Variants in PDE4D observed in about 807,000 individuals in gnomAD.
The protein encoded by PDE4D is phosphodiesterase 4D.
A neutral mutation model predicts 87.4 loss-of-function variants in PDE4D; 24 were observed. That is an observed-to-expected ratio of 0.27 (90% CI 0.20 to 0.39). The LOEUF (loss-of-function observed/expected upper bound fraction) is 0.39, where lower values mean the gene tolerates loss of function less well. PDE4D is among the 10% of genes least tolerant of loss of function. The pLI is 1.00. For missense variants in PDE4D, 714 were observed against 1,041.0 expected, an observed-to-expected ratio of 0.69 and a Z score of 4.32; for synonymous variants, 384 against 383.2, an observed-to-expected ratio of 1.00 and a Z score of -0.02.
At chr5:59,593,125 T>C (rs1208584030) in intron 1 of PDE4D, among the ~76,000 whole-genome samples, 1 of 151,984 alleles carries the variant, frequency 6.6e-6, no homozygotes, top group Non-Finnish European at 1.5e-5. Flanking sequence ...ATACAAATAA[T>C]GTAATGTCAA....
chr5:60,398,486 G>A (rs917131784), intron 1 of PDE4D, among the ~76,000 whole-genome samples: 1 of 152,128 alleles, frequency 6.6e-6, no homozygotes, highest in Non-Finnish European at 1.5e-5. Context: ...CAGCTGAGAG[G>A]ACTAATCCTT....
At chr5:59,678,344 C>T (rs914190566) in intron 1 of PDE4D, among the ~76,000 whole-genome samples, 3 of 152,066 alleles carry the variant, frequency 2.0e-5, no homozygotes, top group African/African-American at 4.8e-5. Flanking sequence ...TGGTTTCATA[C>T]TTTAGCCCAT....
intron 1 of PDE4D, among the ~76,000 whole-genome samples, chr5:59,851,505 T>A (rs1204390618): frequency 6.6e-6 from 1 of 152,022 alleles, no homozygotes; most frequent in Non-Finnish European, 1.5e-5. Flanking sequence ...AGGCCTTGTG[T>A]AATTTCCACT....
chr5:60,458,872 T>A (rs1321133423), intron 1 of PDE4D, among the ~76,000 whole-genome samples: 5 of 151,688 alleles, frequency 3.3e-5, no homozygotes, highest in South Asian at 2.1e-4. Flanking sequence ...CTCAGTGGAG[T>A]CCCTAGCGAC....
At chr5:59,276,286 G>A (rs1316021718) in intron 1 of PDE4D, among the ~76,000 whole-genome samples, 1 of 151,924 alleles carries the variant, frequency 6.6e-6, no homozygotes, top group Non-Finnish European at 1.5e-5. Flanking sequence ...TCCTTCTCTG[G>A]GAAATGAGAT....
At chr5:60,406,412 A>T (rs1374218204) in intron 1 of PDE4D, among the ~76,000 whole-genome samples, 2 of 152,202 alleles carry the variant, frequency 1.3e-5, no homozygotes, top group Non-Finnish European at 2.9e-5. Flanking sequence ...TGCACGATTT[A>T]TAACCGCCAT....
At chr5:59,601,534 G>A (rs575359450) in intron 1 of PDE4D, among the ~76,000 whole-genome samples, 59 of 151,608 alleles carry the variant, frequency 3.9e-4, no homozygotes, top group Non-Finnish European at 6.3e-4. Flanking sequence ...TGTTTCTTCC[G>A]TAATTTACAC....
chr5:59,450,837 T>A (rs1330693540), intron 1 of PDE4D, among the ~76,000 whole-genome samples: 1 of 152,192 alleles, frequency 6.6e-6, no homozygotes. Flanking sequence ...TTTGTCCTTC[T>A]CACATTCTCT....
At chr5:59,874,106 G>A (rs908750733) in intron 1 of PDE4D, among the ~76,000 whole-genome samples, 5 of 152,088 alleles carry the variant, frequency 3.3e-5, no homozygotes, top group African/African-American at 1.2e-4. Flanking sequence ...AGGAGGCTGA[G>A]GCAGTAGGAT....
intron 1 of PDE4D, chr5:59,586,581 A>G: frequency 7.3e-7 from 1 of 1,376,534 alleles, no homozygotes. Flanking sequence ...ATTTGAAAAA[A>G]GAAACATCAC....
At chr5:59,948,006 C>CA (rs557309999) in intron 3 of PDE4D, among the ~76,000 whole-genome samples, 6 of 151,642 alleles carry the variant, frequency 4.0e-5, no homozygotes, top group Non-Finnish European at 8.8e-5. Context: ...GACTCTGTCT[C>CA]AAAAAAAGAG....
At chr5:59,342,716 G>A (rs991952621) in intron 1 of PDE4D, among the ~76,000 whole-genome samples, 3 of 151,998 alleles carry the variant, frequency 2.0e-5, no homozygotes, top group South Asian at 4.2e-4. Context: ...CATCAGGGAG[G>A]TCTCATTCTT....
intron 3 of PDE4D, among the ~76,000 whole-genome samples, chr5:59,916,877 T>G (rs1419206421): frequency 1.3e-5 from 2 of 150,370 alleles, no homozygotes; most frequent in African/African-American, 4.9e-5. Flanking sequence ...AACCTCCACC[T>G]CCTGGGTTCA....
At chr5:59,739,217 C>T (rs566442776) in intron 1 of PDE4D, among the ~76,000 whole-genome samples, 331 of 152,120 alleles carry the variant, frequency 2.2e-3, no homozygotes, top group African/African-American at 7.5e-3. Flanking sequence ...GTGAGGAGTT[C>T]GAGACTGACC....
intron 2 of PDE4D, among the ~76,000 whole-genome samples, chr5:60,028,298 C>G (rs1035476257): frequency 6.6e-6 from 1 of 152,140 alleles, no homozygotes; most frequent in African/African-American, 2.4e-5. Context: ...TCCTTTCACA[C>G]TGGATACAAT....
At chr5:59,328,253 C>A (rs565007777) in intron 1 of PDE4D, among the ~76,000 whole-genome samples, 1 of 152,242 alleles carries the variant, frequency 6.6e-6, no homozygotes, top group South Asian at 2.1e-4. Context: ...TCTCACTTCA[C>A]CTTGTGTACT....
At chr5:60,467,282 C>T (rs1469846067) in intron 1 of PDE4D, among the ~76,000 whole-genome samples, 1 of 152,130 alleles carries the variant, frequency 6.6e-6, no homozygotes, top group Admixed American at 6.6e-5. Context: ...TTGTGATCTG[C>T]CTGCCTTAGC....
intron 1 of PDE4D, among the ~76,000 whole-genome samples, chr5:60,439,734 T>G (rs1282204640): frequency 2.0e-5 from 3 of 152,070 alleles, no homozygotes; most frequent in African/African-American, 4.8e-5. Flanking sequence ...TCTCTCCATC[T>G]CCACTGTTGC....
chr5:59,195,126 C>T (rs1203126835), intron 2 of PDE4D, among the ~76,000 whole-genome samples: 1 of 152,138 alleles, frequency 6.6e-6, no homozygotes. Flanking sequence ...CCTTGAACTA[C>T]CCAGCCTCTA....
Sources: allele counts gnomAD v4.1 joint callset (sites outside exome capture counted in the v4.1 genomes callset), GRCh38; gene constraint gnomAD v4.1.1; transcripts MANE v1.5; gene names NCBI Gene and HGNC (gene_info 2026-07-23, HGNC 2026-07-21).